The following DOP1A variants were observed in gnomAD, a reference collection of about 807,000 sequenced individuals.
DOP1A encodes protein DOP1A.
In DOP1A, 90 loss-of-function variants were observed where a neutral mutation model predicts 267.6. That is an observed-to-expected ratio of 0.34 (90% CI 0.28 to 0.40). The LOEUF is 0.40. Ranked by LOEUF, DOP1A falls within the 10% of genes least tolerant of loss-of-function variation. The pLI is 1.00. For missense variants in DOP1A, 2,437 were observed against 2,900.4 expected (o/e 0.84, Z 3.67); for synonymous variants, 932 against 999.1 (o/e 0.93, Z 1.27).
chr6:83,164,968 G>T, intron 38 of DOP1A: 1 of 392,030 alleles, frequency 2.6e-6, no homozygotes, highest in Non-Finnish European at 4.5e-6. Flanking sequence ...TATTCTTCTT[G>T]GTCAAGAGCT....
At chr6:83,154,391 A>G (rs1562374770) in intron 33 of DOP1A, 150 bp downstream of exon 33, 1 of 651,754 alleles carries the variant, frequency 1.5e-6, no homozygotes, top group Non-Finnish European at 2.6e-6. Context: ...AAAGCACACT[A>G]CTTTCTGTAC....
At chr6:83,089,051 G>A (rs567629832) in intron 1 of DOP1A, among the ~76,000 whole-genome samples, 1 of 152,220 alleles carries the variant, frequency 6.6e-6, no homozygotes, top group African/African-American at 2.4e-5. Flanking sequence ...ATATTCTTGG[G>A]ATGTGCTAGA....
At chr6:83,123,114 A>G (rs1776612496) in intron 12 of DOP1A, 132 bp downstream of exon 12, 1 of 983,256 alleles carries the variant, frequency 1.0e-6, no homozygotes, top group Non-Finnish European at 1.4e-6. Flanking sequence ...CTTACTATCC[A>G]TAATCTGACT....
At chr6:83,118,099 C>A (rs1341514147) in intron 7 of DOP1A, among the ~76,000 whole-genome samples, 1 of 152,160 alleles carries the variant, frequency 6.6e-6, no homozygotes, top group Admixed American at 6.5e-5. Flanking sequence ...GGTTTAGATT[C>A]TTTACTTATA....
chr6:83,122,835 GT>G (rs2128220624), intron 11 of DOP1A, 27 bp from the exon 12 acceptor site: 2 of 1,407,704 alleles, frequency 1.4e-6, no homozygotes, highest in East Asian at 5.5e-5. Flanking sequence ...ATATTTTTTA[GT>G]TTTTGTTTTC....
chr6:83,163,181 A>G (rs1334961006), intron 38 of DOP1A, among the ~76,000 whole-genome samples: 1 of 152,182 alleles, frequency 6.6e-6, no homozygotes, highest in Non-Finnish European at 1.5e-5. Context: ...AATAACATCT[A>G]CCTTAAAATG....
At chr6:83,137,147 C>A in intron 20 of DOP1A, 26 bp from the exon 21 acceptor site, 1 of 1,503,466 alleles carries the variant, frequency 6.7e-7, no homozygotes, top group Non-Finnish European at 8.9e-7. Flanking sequence ...TATTTTTCTT[C>A]TTTTACTGTT....
chr6:83,079,227 G>A (rs779142249), intron 1 of DOP1A, among the ~76,000 whole-genome samples: 8 of 152,122 alleles, frequency 5.3e-5, no homozygotes, highest in Non-Finnish European at 8.8e-5. Context: ...TAAAGTGTTG[G>A]TGACTTCCTG....
At chr6:83,081,112 C>T (rs1767998976) in intron 1 of DOP1A, among the ~76,000 whole-genome samples, 2 of 152,074 alleles carry the variant, frequency 1.3e-5, no homozygotes, top group African/African-American at 2.4e-5. Context: ...CATTTACAAA[C>T]AACTGTTGGT....
intron 12 of DOP1A, 25 bp from the exon 13 acceptor site, chr6:83,124,679 TA>T: frequency 6.5e-7 from 1 of 1,543,138 alleles, no homozygotes; most frequent in South Asian, 1.1e-5. Flanking sequence ...ACAGTATACT[TA>T]ATAAAGTGAA....
At chr6:83,074,976 T>C (rs1766820673) in intron 1 of DOP1A, among the ~76,000 whole-genome samples, 1 of 152,232 alleles carries the variant, frequency 6.6e-6, no homozygotes, top group African/African-American at 2.4e-5. Context: ...AAAAGACTCC[T>C]TTTCCTGGGC....
chr6:83,141,227 A>G (rs1562354228), intron 23 of DOP1A, among the ~76,000 whole-genome samples: 1 of 152,240 alleles, frequency 6.6e-6, no homozygotes, highest in Admixed American at 6.5e-5. Context: ...AATTGAACAA[A>G]TACCATATTT....
chr6:83,125,537 A>G lies in DOP1A; in HGVS notation c.1523A>G (p.Gln508Arg). ...YIEIQTEHLP[Q>R]LLLRMISALT... ...GAAATCCAGACAGAACACTTGCCCC[A>G]GTTGCTGCTCAGAATGATTTCTGCC... is the stretch of plus-strand genomic sequence containing the variant. Residue 508 changes from glutamine to arginine, a missense_variant, in exon 15 of 39, where the codon CAG becomes CGG. This residue lies in a region of DOP1A where 498 missense variants were observed against 513.5 expected (regional missense o/e 0.97). Transcript: ENST00000349129. 1 of 1,613,770 alleles carries G rather than the reference A, an allele frequency of 6.2e-7. No individual in the cohort carries two copies. Among genetic ancestry groups the G allele is most frequent in the Non-Finnish European group, 8.5e-7 (1 of 1,179,790 alleles).
chr6:83,153,017 C>T (rs1262168381), intron 30 of DOP1A, among the ~76,000 whole-genome samples: 1 of 151,846 alleles, frequency 6.6e-6, no homozygotes, highest in Admixed American at 6.6e-5. Context: ...TTTTTTATAC[C>T]CTATTATACA....
At chr6:83,134,345 C>CTTGAG in intron 19 of DOP1A, 58 bp downstream of exon 19, 1 of 1,409,580 alleles carries the variant, frequency 7.1e-7, no homozygotes, top group Non-Finnish European at 9.8e-7. Context: ...TGCCTCTTTC[C>CTTGAG]TTGAGTCCAC....
intron 4 of DOP1A, among the ~76,000 whole-genome samples, chr6:83,106,169 G>T (rs770439937): frequency 3.3e-5 from 5 of 152,132 alleles, no homozygotes; most frequent in Non-Finnish European, 5.9e-5. Flanking sequence ...CCTATTACAT[G>T]ATAGAATACC....
chr6:83,079,086 C>G (rs919440529), intron 1 of DOP1A, among the ~76,000 whole-genome samples: 7 of 152,110 alleles, frequency 4.6e-5, no homozygotes, highest in African/African-American at 1.7e-4. Flanking sequence ...GGGAGTTAAC[C>G]CTTGTGCAAG....
intron 1 of DOP1A, among the ~76,000 whole-genome samples, chr6:83,085,630 T>C (rs951083969): frequency 6.6e-6 from 1 of 152,180 alleles, no homozygotes; most frequent in African/African-American, 2.4e-5. Flanking sequence ...ATTCTAAGCT[T>C]TGTATTGGAA....
chr6:83,136,851 T>C lies in DOP1A; in HGVS notation c.3131-322T>C, dbSNP rs984221923. 6.6e-5 allele frequency among the ~76,000 whole-genome samples: 10 copies of C among 152,224 alleles called. No individual in the cohort carries two copies. In the East Asian group the frequency reaches 1.2e-3, roughly 18 times the overall value. ...AGCATTTGGTATGTACTACTTTGTA[T>C]GTCACTAAGCCTTCCACCTTTTCTA... On this transcript the variant is annotated intron_variant, in intron 20 of 38. Coordinates refer to ENST00000349129, the MANE Select transcript of DOP1A (RefSeq NM_015018.4).
Sources: gnomAD v4.1 joint callset for allele counts (sites outside exome capture counted in the v4.1 genomes callset) on GRCh38, gnomAD v4.1.1 for gene constraint, gnomAD v4.1.1 regional missense constraint, MANE v1.5 for transcripts, NCBI Gene and HGNC (gene_info 2026-07-23, HGNC 2026-07-21) for gene names.